The following PNISR variants were observed in gnomAD, a reference collection of about 807,000 sequenced individuals.
The protein encoded by PNISR is PNN interacting serine and arginine rich protein.
A neutral mutation model predicts 93.4 loss-of-function variants in PNISR; 20 were observed. The ratio of observed to expected loss-of-function variants is 0.21; its 90% CI spans 0.15 to 0.31. PNISR has a LOEUF of 0.31. Among genes scored for constraint, PNISR ranks in the 10% least tolerant of loss-of-function variants. The pLI, the probability that PNISR is intolerant of heterozygous loss-of-function variation, is 1.00. For synonymous variants in PNISR, 305 were observed against 306.5 expected, an observed-to-expected ratio of 0.99 and a Z score of 0.05; for missense variants, 893 against 985.4, an observed-to-expected ratio of 0.91 and a Z score of 1.25.
intron 6 of PNISR, among the ~76,000 whole-genome samples, chr6:99,408,766 G>A (rs1341013525): frequency 6.6e-6 from 1 of 152,076 alleles, no homozygotes; most frequent in African/African-American, 2.4e-5. Context: ...AATACTTAAG[G>A]GAAGTGAAAT....
intron 9 of PNISR, chr6:99,404,227 G>A: frequency 2.7e-6 from 1 of 368,898 alleles, no homozygotes; most frequent in Non-Finnish European, 5.0e-6. Flanking sequence ...TAAGAGATAA[G>A]TGGTAAACTA....
intron 1 of PNISR, among the ~76,000 whole-genome samples, chr6:99,417,824 C>A (rs369589144): frequency 6.6e-6 from 1 of 151,790 alleles, no homozygotes; most frequent in Non-Finnish European, 1.5e-5. Flanking sequence ...AAAAATTAGC[C>A]GGGCGTGGCG....
At chr6:99,418,004 C>T (rs538910333) in intron 1 of PNISR, among the ~76,000 whole-genome samples, 2 of 151,130 alleles carry the variant, frequency 1.3e-5, no homozygotes, top group African/African-American at 4.9e-5. Flanking sequence ...TCAAGCCAAC[C>T]CACTTCTGCT....
At chr6:99,417,324 T>C (rs1016682786) in intron 1 of PNISR, among the ~76,000 whole-genome samples, 3 of 152,218 alleles carry the variant, frequency 2.0e-5, no homozygotes, top group Non-Finnish European at 4.4e-5. Context: ...CTTACTCATG[T>C]TTAATGGTTG....
At position 99,407,968 on chromosome 6, in the gene PNISR, AATC is replaced by A. The variant is rs2128483649; in HGVS notation, c.864+110_864+112del. The A allele has an allele frequency of 9.7e-6, 7 of 721,384 alleles. 1 individual carries two copies. The South Asian group carries it at 1.5e-4, about 15-fold the overall frequency. 44.7% of individuals were successfully genotyped at this position (721,384 alleles called of 1,614,324 possible). ...AATCCTCAATATACTTAATGAACGT[AATC>A]TTAGGAACATCACTCTAATACTTTC... On this transcript the variant is annotated intron_variant, in intron 7 of 11. Coordinates refer to ENST00000369239, the MANE Select transcript of PNISR (RefSeq NM_032870.4).
rs547353882 is a variant in PNISR at position 99,416,115 on chromosome 6, A to G, written c.-32+234T>C. 5 of 315,574 alleles carry G rather than the reference A, an allele frequency of 1.6e-5. No homozygotes were observed. The South Asian group carries it at 8.0e-4, about 51-fold the overall frequency. The allele number at this position is 315,574 out of a possible 1,614,324, so 19.5% of individuals were successfully genotyped here. ...CTACATAGCACAAATGAGGCCAACA[A>G]CTGGTTTGGGTATCAGTTCCAAGTT... On this transcript the variant is annotated intron_variant, in intron 2 of 11. Coordinates refer to ENST00000369239, the MANE Select transcript of PNISR (RefSeq NM_032870.4).
rs897201085 is a variant in PNISR at position 99,416,193 on chromosome 6, T to C, written c.-32+156A>G. On this transcript the variant is annotated intron_variant, in intron 2 of 11. Coordinates refer to ENST00000369239, the MANE Select transcript of PNISR (RefSeq NM_032870.4). ...AGTGTTTCCTTCTTCCTCCCCTTTT[T>C]GTCCTGTCCAGTTTCCCAAGTACGC... 2.1e-5 allele frequency: 8 copies of C among 388,670 alleles called. No homozygotes were observed. The Admixed American group carries it at 2.7e-4, about 13-fold the overall frequency. The allele number at this position is 388,670 out of a possible 1,614,324, so 24.1% of individuals were successfully genotyped here. A position where few individuals can be genotyped will look rare whatever the true frequency, so the allele number is the denominator to read the frequency against.
intron 1 of PNISR, among the ~76,000 whole-genome samples, chr6:99,422,888 A>AAAAG (rs1778773699): frequency 6.6e-6 from 1 of 151,574 alleles, no homozygotes; most frequent in Non-Finnish European, 1.5e-5. Flanking sequence ...AAAAAAAAAA[A>AAAAG]AAAAAAAAAA....
intron 5 of PNISR, 136 bp from the exon 6 acceptor site, chr6:99,409,480 C>T (rs562389001): frequency 1.3e-5 from 9 of 687,506 alleles, no homozygotes; most frequent in South Asian, 2.2e-5. Flanking sequence ...TAATATCCAC[C>T]GATACTTCTA....
In PNISR at chr6:99,400,672, A is replaced by T; in HGVS notation, c.2286T>A (p.Ser762=). 6.2e-7 allele frequency: 1 copy of T among 1,613,986 alleles called. No homozygotes were observed. The highest frequency in any genetic ancestry group is 8.5e-7 in the Non-Finnish European group (1 of 1,179,966). The part of the protein sequence containing the change: ...SGSDSSGRSS[S]ESPGSSKEKK... ...TTTCTTTGCTACTTCCTGGAGACTC[A>T]GAACTGCTCCTTCCACTAGAATCAG... is the stretch of plus-strand genomic sequence containing the variant. The change falls in exon 12 of 12, where the codon TCT becomes TCA. Residue 762 remains serine (S), a synonymous_variant. Coordinates refer to ENST00000369239, the MANE Select transcript of PNISR (RefSeq NM_032870.4).
intron 7 of PNISR, among the ~76,000 whole-genome samples, chr6:99,407,609 A>C (rs1776328009): frequency 6.6e-6 from 1 of 152,222 alleles, no homozygotes; most frequent in African/African-American, 2.4e-5. Flanking sequence ...TACCTGCTGA[A>C]TAAAAAAGTT....
Position 99,400,860 on chromosome 6 carries a change from T to C in PNISR, c.2098A>G (p.Lys700Glu). The change falls in exon 12 of 12, where the codon AAA (lysine) becomes GAA (glutamate). Residue 700 changes from lysine to glutamate, a missense_variant. Physicochemically the swap from Lys to Glu is moderately conservative, Grantham distance 56. Coordinates refer to ENST00000369239, the MANE Select transcript of PNISR (RefSeq NM_032870.4). ...TCCTGACTACTGAACTTAAAATCTT[T>C]TTCTTCCCTTTTTTGTTTCTCTTTT... ...KRKEKQKREE[K>E]DFKFSSQDDR... 3 of 1,599,416 alleles carry C rather than the reference T, an allele frequency of 1.9e-6. No homozygotes were observed. Among genetic ancestry groups the C allele is most frequent in the Non-Finnish European group, 2.6e-6 (3 of 1,171,562 alleles).
chr6:99,422,642 G>C (rs1003707823), intron 1 of PNISR, among the ~76,000 whole-genome samples: 2 of 151,250 alleles, frequency 1.3e-5, no homozygotes, highest in Non-Finnish European at 3.0e-5. Flanking sequence ...GGCAGGCCAA[G>C]GTGGGTTCAT....
At chr6:99,417,968 C>CA (rs34504221) in intron 1 of PNISR, among the ~76,000 whole-genome samples, 12,076 of 92,024 alleles carry the variant, frequency 0.13, 936 homozygotes, top group Non-Finnish European at 0.18. Context: ...AACACCATCT[C>CA]AAAAAAAAAA....
intron 1 of PNISR, among the ~76,000 whole-genome samples, chr6:99,421,941 C>T (rs757254387): frequency 2.2e-4 from 33 of 151,814 alleles, no homozygotes; most frequent in African/African-American, 7.3e-4. Flanking sequence ...TCTCGGCTTA[C>T]GGCAACCTCC....
chr6:99,406,004 T>C (rs760582184), intron 8 of PNISR, 27 bp downstream of exon 8: 1 of 1,549,816 alleles, frequency 6.5e-7, no homozygotes, highest in Non-Finnish European at 8.8e-7. Context: ...TAAATCCATG[T>C]ACATAGTAAG....
At chr6:99,423,392 C>T (rs1447517822) in intron 1 of PNISR, among the ~76,000 whole-genome samples, 1 of 152,138 alleles carries the variant, frequency 6.6e-6, no homozygotes, top group Non-Finnish European at 1.5e-5. Flanking sequence ...TCCACCCTAA[C>T]TGAGGAAGAG....
In PNISR at chr6:99,414,728, GTTAT is replaced by G. The variant is rs1363392879; in HGVS notation, c.-31-42_-31-39del. ...AAACATAGTTTAAAAATTATAGTGA[GTTAT>G]TTAATCTTAAAACCTCACATCAGAA... On this transcript the variant is annotated intron_variant, in intron 2 of 11. Transcript: ENST00000369239. 3 of 886,354 alleles carry G rather than the reference GTTAT, an allele frequency of 3.4e-6. No homozygotes were observed. The African/African-American group carries it at 5.2e-5, about 15-fold the overall frequency. The allele number at this position is 886,354 out of a possible 1,614,324, so 54.9% of individuals were successfully genotyped here.
In PNISR at chr6:99,400,500, A is replaced by G; in HGVS notation, c.*40T>C. The G allele has an allele frequency of 6.4e-7, 1 of 1,568,518 alleles. No homozygotes were observed. Among genetic ancestry groups the G allele is most frequent in the Non-Finnish European group, 8.6e-7 (1 of 1,160,782 alleles). ...TTTCAACTTTGAATAAATTCAGTCA[A>G]TTTTTTTTAAAAATCAGACAAAATA... On this transcript the variant is annotated 3_prime_UTR_variant, in exon 12 of 12. Transcript: ENST00000369239.
Sources: allele counts gnomAD v4.1 joint callset (sites outside exome capture counted in the v4.1 genomes callset), GRCh38; gene constraint gnomAD v4.1.1; transcripts MANE v1.5; gene names NCBI Gene and HGNC (gene_info 2026-07-23, HGNC 2026-07-21).